Variants in FBXL7 observed in about 807,000 individuals in gnomAD.
FBXL7 encodes the protein F-box/LRR-repeat protein 7.
A neutral mutation model predicts 38.3 loss-of-function variants in FBXL7; 12 were observed. The ratio of observed to expected loss-of-function variants is 0.31; its 90% CI spans 0.20 to 0.51. The LOEUF (loss-of-function observed/expected upper bound fraction) is 0.51, where lower values mean the gene tolerates loss of function less well. FBXL7 is among the 20% of genes least tolerant of loss of function. The pLI, the probability that FBXL7 is intolerant of heterozygous loss-of-function variation, is 0.98. For missense variants in FBXL7, 567 were observed against 676.4 expected, an observed-to-expected ratio of 0.84 and a Z score of 1.79; for synonymous variants, 297 against 300.9, an observed-to-expected ratio of 0.99 and a Z score of 0.13.
intron 2 of FBXL7, among the ~76,000 whole-genome samples, chr5:15,706,035 A>G (rs921188463): frequency 2.0e-5 from 3 of 152,174 alleles, no homozygotes; most frequent in African/African-American, 7.2e-5. Flanking sequence ...GCCCAAAGGC[A>G]ATAAGGAATG....
chr5:15,709,297 G>A (rs1743785437), intron 2 of FBXL7, among the ~76,000 whole-genome samples: 1 of 152,120 alleles, frequency 6.6e-6, no homozygotes, highest in Non-Finnish European at 1.5e-5. Context: ...ACTTTGGGAG[G>A]CAGAGGCAGT....
intron 1 of FBXL7, among the ~76,000 whole-genome samples, chr5:15,613,303 G>T (rs1350976599): frequency 6.6e-6 from 1 of 152,190 alleles, no homozygotes; most frequent in Non-Finnish European, 1.5e-5. Flanking sequence ...AGAAAGCAAG[G>T]GAGTGGTAGA....
chr5:15,606,312 G>A (rs757991518), intron 1 of FBXL7, among the ~76,000 whole-genome samples: 7 of 151,998 alleles, frequency 4.6e-5, no homozygotes, highest in Non-Finnish European at 8.8e-5. Context: ...CACACACAAT[G>A]TACATGTATG....
chr5:15,673,970 A>G (rs899488068), intron 2 of FBXL7, among the ~76,000 whole-genome samples: 3 of 152,224 alleles, frequency 2.0e-5, no homozygotes, highest in African/African-American at 2.4e-5. Context: ...GTTTGGATGT[A>G]AATCTGCAAT....
chr5:15,521,579 A>G (rs150359639), intron 1 of FBXL7, among the ~76,000 whole-genome samples: 2 of 152,296 alleles, frequency 1.3e-5, no homozygotes, highest in East Asian at 3.9e-4. Context: ...ATAGATTTAG[A>G]TGCTTTCACT....
intron 2 of FBXL7, among the ~76,000 whole-genome samples, chr5:15,637,814 A>G (rs1167319256): frequency 1.3e-5 from 2 of 152,246 alleles, no homozygotes; most frequent in Non-Finnish European, 1.5e-5. Flanking sequence ...GTAGAGATCT[A>G]TGATTTAAAA....
intron 1 of FBXL7, among the ~76,000 whole-genome samples, chr5:15,539,907 C>G (rs73754129): frequency 6.6e-6 from 1 of 152,004 alleles, no homozygotes; most frequent in Admixed American, 6.5e-5. Flanking sequence ...CAAAGTTGGG[C>G]GAAAACCTGC....
At chr5:15,935,125 A>AAGCACACCAC (rs1223274887) in intron 3 of FBXL7, 1 of 532,426 alleles carries the variant, frequency 1.9e-6, no homozygotes, top group East Asian at 5.5e-5. Flanking sequence ...GGGAAATGAC[A>AAGCACACCAC]AGCAGGCCAG....
chr5:15,735,153 G>T (rs1735713170), intron 2 of FBXL7, among the ~76,000 whole-genome samples: 1 of 152,188 alleles, frequency 6.6e-6, no homozygotes, highest in South Asian at 2.1e-4. Flanking sequence ...GGCTGGTCTT[G>T]AACTCCTGAC....
At chr5:15,842,615 C>T (rs979685555) in intron 2 of FBXL7, among the ~76,000 whole-genome samples, 4 of 152,270 alleles carry the variant, frequency 2.6e-5, no homozygotes, top group African/African-American at 9.6e-5. Flanking sequence ...TCACCTTGAA[C>T]TGTAATAATG....
At chr5:15,598,663 C>A (rs1201418190) in intron 1 of FBXL7, among the ~76,000 whole-genome samples, 1 of 152,104 alleles carries the variant, frequency 6.6e-6, no homozygotes, top group Non-Finnish European at 1.5e-5. Context: ...CTTTGTAATA[C>A]AGTATGGCGT....
intron 1 of FBXL7, among the ~76,000 whole-genome samples, chr5:15,510,992 C>G (rs1426306591): frequency 6.6e-6 from 1 of 152,182 alleles, no homozygotes; most frequent in African/African-American, 2.4e-5. Flanking sequence ...CGTGTTTGCT[C>G]TGGAGACCAT....
chr5:15,575,488 G>T (rs1738927957), intron 1 of FBXL7, among the ~76,000 whole-genome samples: 1 of 152,164 alleles, frequency 6.6e-6, no homozygotes, highest in African/African-American at 2.4e-5. Flanking sequence ...AGAAAAGACA[G>T]ATCCCTTTGA....
intron 2 of FBXL7, among the ~76,000 whole-genome samples, chr5:15,874,600 A>G (rs1475112140): frequency 6.6e-6 from 1 of 152,240 alleles, no homozygotes; most frequent in Non-Finnish European, 1.5e-5. Context: ...TGCAAAAATC[A>G]CAACCATTCC....
intron 2 of FBXL7, among the ~76,000 whole-genome samples, chr5:15,841,953 A>C (rs1257215796): frequency 1.3e-5 from 2 of 152,212 alleles, no homozygotes; most frequent in African/African-American, 2.4e-5. Flanking sequence ...CTCATAGAGA[A>C]CCTCTGCTAG....
At chr5:15,867,998 G>A (rs1739789331) in intron 2 of FBXL7, among the ~76,000 whole-genome samples, 1 of 152,002 alleles carries the variant, frequency 6.6e-6, no homozygotes, top group African/African-American at 2.4e-5. Context: ...CAGCTACTTA[G>A]GAGGCTGAGG....
intron 2 of FBXL7, among the ~76,000 whole-genome samples, chr5:15,902,832 G>A (rs1415072724): frequency 6.6e-6 from 1 of 152,236 alleles, no homozygotes; most frequent in African/African-American, 2.4e-5. Flanking sequence ...TTTCACTTCT[G>A]GCTTTCTAGG....
At chr5:15,882,375 A>G (rs1740491605) in intron 2 of FBXL7, among the ~76,000 whole-genome samples, 1 of 152,174 alleles carries the variant, frequency 6.6e-6, no homozygotes, top group African/African-American at 2.4e-5. Context: ...GTGACTAGCC[A>G]GAGATGAGTG....
intron 2 of FBXL7, among the ~76,000 whole-genome samples, chr5:15,719,526 A>C (rs1480899278): frequency 1.3e-5 from 2 of 148,978 alleles, no homozygotes; most frequent in Non-Finnish European, 3.0e-5. Flanking sequence ...TGCTCCTGAC[A>C]CTACAATATA....
Sources: gnomAD v4.1 joint callset for allele counts (sites outside exome capture counted in the v4.1 genomes callset) on GRCh38, gnomAD v4.1.1 for gene constraint, MANE v1.5 for transcripts, NCBI Gene and HGNC (gene_info 2026-07-23, HGNC 2026-07-21) for gene names.